NFIB: variants seen among roughly 807,000 people sequenced by gnomAD.
NFIB encodes nuclear factor I B.
A neutral mutation model predicts 61.5 loss-of-function variants in NFIB; 11 were observed. That is an observed-to-expected ratio of 0.18 (90% CI 0.11 to 0.30). The LOEUF is 0.30. Ranked by LOEUF, NFIB falls within the 10% of genes least tolerant of loss-of-function variation. The pLI is 1.00. For synonymous variants in NFIB, 260 were observed against 216.5 expected, an observed-to-expected ratio of 1.20 and a Z score of -1.76; for missense variants, 471 against 608.9, an observed-to-expected ratio of 0.77 and a Z score of 2.38.
At chr9:14,456,040 C>G in the NFIB span, among the ~76,000 whole-genome samples, 13 of 152,074 alleles carry the variant, frequency 8.5e-5, no homozygotes, top group African/African-American at 3.1e-4. Context: ...CAAGTTGGAC[C>G]TGACCTCATA....
chr9:14,307,202 T>G lies in NFIB; in HGVS notation c.349A>C (p.Arg117=), dbSNP rs756298181. Residue 117 remains arginine (R), a synonymous_variant, in exon 2 of 11, where the codon AGA becomes CGA. Transcript: ENST00000380953. The surrounding 1 kb of genome is among the most constrained non-coding windows in gnomAD (Gnocchi z 5.3). ...TCTGCCTGTCGCAGGCAGTCGATTC[T>G]CCTAATCTTACCCTTCTGGTCGGGA... ...SNPDQKGKIR[R]IDCLRQADKV... The G allele has an allele frequency of 6.2e-7, 1 of 1,614,042 alleles. No homozygotes were observed. The highest frequency in any genetic ancestry group is 1.1e-5 in the South Asian group (1 of 91,060).
At chr9:14,394,613 C>G (rs1480526411) in intron 1 of NFIB, among the ~76,000 whole-genome samples, 1 of 152,160 alleles carries the variant, frequency 6.6e-6, no homozygotes, top group Non-Finnish European at 1.5e-5. Flanking sequence ...TGGCCCTGCC[C>G]TTAACAAGTG....
chr9:14,155,115 G>T (rs981816343), intron 4 of NFIB, among the ~76,000 whole-genome samples: 1 of 152,116 alleles, frequency 6.6e-6, no homozygotes, highest in Non-Finnish European at 1.5e-5. Flanking sequence ...TATGAAGAAA[G>T]GAGTCACCTT....
intron 2 of NFIB, among the ~76,000 whole-genome samples, chr9:14,203,866 T>G (rs1054438723): frequency 6.6e-6 from 1 of 152,090 alleles, no homozygotes; most frequent in Non-Finnish European, 1.5e-5. Flanking sequence ...GACCTCAACA[T>G]TTCAATCACA....
At chr9:14,229,263 T>C (rs1329490473) in intron 2 of NFIB, among the ~76,000 whole-genome samples, 86 of 152,300 alleles carry the variant, frequency 5.6e-4, no homozygotes, top group Non-Finnish European at 1.5e-4. Context: ...GATCAGGTTG[T>C]TACACCAGCA....
chr9:14,239,396 GT>G (rs2054126188), intron 2 of NFIB, among the ~76,000 whole-genome samples: 1 of 152,122 alleles, frequency 6.6e-6, no homozygotes, highest in Non-Finnish European at 1.5e-5. Context: ...AGGTTTAGAG[GT>G]ATACTTAACA....
chr9:14,414,593 T>C, the NFIB span, among the ~76,000 whole-genome samples: 1 of 151,198 alleles, frequency 6.6e-6, no homozygotes, highest in Admixed American at 6.6e-5. Flanking sequence ...CTTCCTTGTC[T>C]GTAAAACGGA....
chr9:14,498,501 G>A, the NFIB span, among the ~76,000 whole-genome samples: 3 of 152,118 alleles, frequency 2.0e-5, no homozygotes, highest in South Asian at 6.2e-4. Flanking sequence ...TGAATACGAT[G>A]GACAAAATAG....
Position 14,113,048 on chromosome 9 carries a change from C to G in NFIB, c.1418G>C (p.Arg473Pro). ...GTCTCTTGGGCTTAGTCCCACATAT[C>G]GATTGGCTTGAGATGTGCCTGAGGC... is the stretch of plus-strand genomic sequence containing the variant. ...YTASGTSQAN[R>P]YVGLSPRDPS... The change falls in exon 10 of 11, where the codon CGA (arginine) becomes CCA (proline). Residue 473 changes from arginine to proline, a missense_variant. By Grantham distance (103) the Arg-to-Pro change is moderately radical. This residue lies in a region of NFIB where 372 missense variants were observed against 395.6 expected (regional missense o/e 0.94). Coordinates refer to ENST00000380953, the MANE Select transcript of NFIB (RefSeq NM_001190737.2). The G allele has an allele frequency of 1.3e-6, 2 of 1,550,186 alleles. No individual in the cohort carries two copies. The highest frequency in any genetic ancestry group is 1.7e-6 in the Non-Finnish European group (2 of 1,146,812).
At chr9:14,267,286 C>A (rs10810121) in intron 2 of NFIB, among the ~76,000 whole-genome samples, 9,745 of 152,060 alleles carry the variant, frequency 0.064, 418 homozygotes, top group East Asian at 0.12. Flanking sequence ...CACGGTGAAG[C>A]CAACCTAAGG....
At chr9:14,475,886 C>A in the NFIB span, among the ~76,000 whole-genome samples, 1,182 of 152,270 alleles carry the variant, frequency 7.8e-3, 12 homozygotes, top group African/African-American at 0.027. Flanking sequence ...AGCTACAATA[C>A]CACTGGGGAA....
At chr9:14,234,948 C>A (rs1390079730) in intron 2 of NFIB, among the ~76,000 whole-genome samples, 1 of 151,956 alleles carries the variant, frequency 6.6e-6, no homozygotes, top group East Asian at 1.9e-4. Flanking sequence ...CTCATTTGGT[C>A]TTTTTGAACA....
At position 14,313,678 on chromosome 9, in the gene NFIB, A is replaced by C; in HGVS notation, c.-167T>G. Reference sequence around the variant, plus strand: ...TCACAACAAACCCAGTCCTCCTTAAATAGCCAAAGATTCAAGTTCACTCGG... The same window carrying C: ...TCACAACAAACCCAGTCCTCCTTAACTAGCCAAAGATTCAAGTTCACTCGG... On this transcript the variant is annotated 5_prime_UTR_variant, in exon 1 of 11. Coordinates refer to ENST00000380953, the MANE Select transcript of NFIB (RefSeq NM_001190737.2). This position sits in a 1 kb window ranked among gnomAD's most constrained non-coding sequence, Gnocchi z 4.5. 3 of 1,441,468 alleles carry C rather than the reference A, an allele frequency of 2.1e-6. No homozygotes were observed. The highest frequency in any genetic ancestry group is 1.8e-6 in the Non-Finnish European group (2 of 1,096,488). 89.3% of individuals were successfully genotyped at this position (1,441,468 alleles called of 1,614,324 possible). A position where few individuals can be genotyped will look rare whatever the true frequency, so the allele number is the denominator to read the frequency against.
chr9:14,381,073 C>CAAAAA (rs34848529), intron 1 of NFIB, among the ~76,000 whole-genome samples: 91 of 82,516 alleles, frequency 1.1e-3, no homozygotes, highest in East Asian at 3.4e-3. Flanking sequence ...GACTCCGTCT[C>CAAAAA]AAAAAAAAAA....
chr9:14,303,602 A>G (rs968585050), intron 2 of NFIB, among the ~76,000 whole-genome samples: 2 of 152,270 alleles, frequency 1.3e-5, no homozygotes, highest in African/African-American at 4.8e-5. Flanking sequence ...ACAAGCAAGC[A>G]GCTTTCATTC....
intron 2 of NFIB, among the ~76,000 whole-genome samples, chr9:14,217,189 T>C (rs1304948646): frequency 6.6e-6 from 1 of 152,180 alleles, no homozygotes; most frequent in East Asian, 1.9e-4. Flanking sequence ...AGATAATAAC[T>C]TTTTCCCAGG....
intron 1 of NFIB, among the ~76,000 whole-genome samples, chr9:14,344,062 A>C (rs1050809126): frequency 3.3e-5 from 5 of 151,104 alleles, no homozygotes; most frequent in Non-Finnish European, 5.9e-5. Context: ...ATGCCAGAGT[A>C]TGCTAATATG....
At chr9:14,498,352 G>T in the NFIB span, among the ~76,000 whole-genome samples, 2 of 152,188 alleles carry the variant, frequency 1.3e-5, no homozygotes, top group Non-Finnish European at 2.9e-5. Flanking sequence ...GCCAATACAA[G>T]CCTGATCAGA....
intron 1 of NFIB, among the ~76,000 whole-genome samples, chr9:14,332,372 G>C (rs1391403289): frequency 1.3e-5 from 2 of 149,504 alleles, no homozygotes; most frequent in South Asian, 2.1e-4. Flanking sequence ...AATCTCCCTA[G>C]CTCCCTGATG....
Sources: allele counts gnomAD v4.1 joint callset (sites outside exome capture counted in the v4.1 genomes callset), GRCh38; gene constraint gnomAD v4.1.1; regional missense constraint gnomAD v4.1.1; non-coding constraint Gnocchi (gnomAD v3.1); transcripts MANE v1.5; gene names NCBI Gene and HGNC (gene_info 2026-07-23, HGNC 2026-07-21).